The following C3orf20 variants were observed in gnomAD, a reference collection of about 807,000 sequenced individuals.
The protein encoded by C3orf20 is family with sequence similarity 149 member C, also known as uncharacterized protein C3orf20.
A neutral mutation model predicts 88.3 loss-of-function variants in C3orf20; 76 were observed. The ratio of observed to expected loss-of-function variants is 0.86; its 90% CI spans 0.72 to 1.04. The LOEUF is 1.04. Among genes scored for constraint, C3orf20 ranks in the 50% least tolerant of loss-of-function variants. C3orf20 has a pLI of 0.00. For missense variants in C3orf20, 1,056 were observed against 1,123.3 expected (o/e 0.94, Z 0.86); for synonymous variants, 436 against 437.4 (o/e 1.00, Z 0.04).
intron 13 of C3orf20, among the ~76,000 whole-genome samples, chr3:14,757,911 G>A (rs567382662): frequency 6.6e-5 from 10 of 152,252 alleles, no homozygotes; most frequent in African/African-American, 2.2e-4. Context: ...ACCACATAAG[G>A]GCCAGGCCCT....
At chr3:14,695,848 C>T (rs777807621) in intron 5 of C3orf20, among the ~76,000 whole-genome samples, 5 of 151,768 alleles carry the variant, frequency 3.3e-5, no homozygotes, top group South Asian at 2.1e-4. Context: ...ATCTTTTTTT[C>T]GTTCCTTTAT....
At chr3:14,689,290 C>G (rs2032595885) in intron 4 of C3orf20, among the ~76,000 whole-genome samples, 1 of 152,138 alleles carries the variant, frequency 6.6e-6, no homozygotes, top group South Asian at 2.1e-4. Flanking sequence ...TTTTATCATC[C>G]ATTGTGGAAT....
At chr3:14,699,186 C>G (rs1266147110) in intron 5 of C3orf20, among the ~76,000 whole-genome samples, 2 of 152,122 alleles carry the variant, frequency 1.3e-5, no homozygotes, top group East Asian at 3.9e-4. Context: ...TATAGAAATG[C>G]CATCTGAGAG....
Position 14,757,377 on chromosome 3 carries a change from G to A in C3orf20, c.1947G>A (p.Lys649=). ...ACTGTGCTCCTCCTTGCAGAGGGAA[G>A]GCCCGCGAGGGGCGCAGCCCCACCA... ...HTKAKVTSRG[K]AREGRSPTRW... The change falls in exon 13 of 17, where the codon AAG becomes AAA. Residue 649 remains lysine (K), a synonymous_variant. Transcript: ENST00000253697. The A allele has an allele frequency of 1.2e-6, 2 of 1,610,690 alleles. No individual in the cohort carries two copies. Among genetic ancestry groups the A allele is most frequent in the Non-Finnish European group, 1.7e-6 (2 of 1,179,268 alleles).
intron 15 of C3orf20, among the ~76,000 whole-genome samples, chr3:14,762,844 A>C (rs975653873): frequency 1.3e-5 from 2 of 152,194 alleles, no homozygotes; most frequent in Non-Finnish European, 2.9e-5. Context: ...CAGTAAGCTG[A>C]GTCTGGGCCT....
chr3:14,684,855 A>G (rs1332609414), intron 4 of C3orf20, among the ~76,000 whole-genome samples: 1 of 152,148 alleles, frequency 6.6e-6, no homozygotes, highest in African/African-American at 2.4e-5. Flanking sequence ...ATACAGCCCG[A>G]GGGAAGCTCA....
At chr3:14,726,191 A>G (rs941632092) in intron 10 of C3orf20, among the ~76,000 whole-genome samples, 1 of 152,258 alleles carries the variant, frequency 6.6e-6, no homozygotes, top group Non-Finnish European at 1.5e-5. Flanking sequence ...GGGAGAGGGC[A>G]GCCATGGCAG....
chr3:14,766,293 T>C (rs1394337807), intron 15 of C3orf20, among the ~76,000 whole-genome samples: 2 of 152,184 alleles, frequency 1.3e-5, no homozygotes, highest in Non-Finnish European at 2.9e-5. Context: ...TCTTCCCAAC[T>C]GGGCACCAGC....
chr3:14,755,770 C>G (rs1414942870), intron 12 of C3orf20, among the ~76,000 whole-genome samples: 1 of 152,168 alleles, frequency 6.6e-6, no homozygotes, highest in Non-Finnish European at 1.5e-5. Context: ...CGGCTCACGC[C>G]TGTAATCCCA....
intron 9 of C3orf20, among the ~76,000 whole-genome samples, chr3:14,720,943 T>C (rs1376911217): frequency 3.9e-5 from 6 of 152,184 alleles, no homozygotes; most frequent in Non-Finnish European, 7.3e-5. Flanking sequence ...GAACTGGGAC[T>C]CACCCGTAGA....
chr3:14,683,500 A>G lies in C3orf20; in HGVS notation c.484+303A>G, dbSNP rs79379884. Among the ~76,000 whole-genome samples, 1,001 of 152,250 alleles carry G rather than the reference A, an allele frequency of 6.6e-3. 4 individuals are homozygous for G. The highest frequency in any genetic ancestry group is 0.011 in the Non-Finnish European group (714 of 67,996). ...GAGACAGCACCCATGTCCGGGTGGCATATGAAGTTTTCAAACCAGCAGGGC... is the reference window on the plus strand; with the variant it reads ...GAGACAGCACCCATGTCCGGGTGGCGTATGAAGTTTTCAAACCAGCAGGGC... On this transcript the variant is annotated intron_variant, in intron 3 of 16. Transcript: ENST00000253697.
At chr3:14,762,132 C>T (rs760199676) in intron 15 of C3orf20, among the ~76,000 whole-genome samples, 3 of 152,154 alleles carry the variant, frequency 2.0e-5, no homozygotes, top group Non-Finnish European at 4.4e-5. Context: ...AGTACAGTGA[C>T]GCGATCATAG....
At position 14,704,342 on chromosome 3, in the gene C3orf20, C is replaced by T; in HGVS notation, c.884C>T (p.Ala295Val). ...KLQELCRHIE[A>V]ERATWKGRNI... is the part of the protein sequence containing the mutation. ...ATTGCTCTCCTTCTCTGCAGAGAAG[C>T]TGAAAGGGCCACATGGAAAGGGAGG... Residue 295 changes from alanine to valine, a missense_variant, in exon 7 of 17, where the codon GCT (alanine) becomes GTT (valine). Ala to Val is a moderately conservative substitution (Grantham distance 64). Transcript: ENST00000253697. 3 of 1,613,986 alleles carry T rather than the reference C, an allele frequency of 1.9e-6. No individual in the cohort carries two copies. In the South Asian group the frequency reaches 3.3e-5, roughly 18 times the overall value.
At chr3:14,746,605 C>T (rs1452832433) in intron 12 of C3orf20, among the ~76,000 whole-genome samples, 1 of 152,208 alleles carries the variant, frequency 6.6e-6, no homozygotes, top group East Asian at 1.9e-4. Context: ...AGTTGTCCCT[C>T]AGTGTCAGGA....
chr3:14,690,257 A>G, intron 5 of C3orf20, 141 bp downstream of exon 5: 1 of 1,179,512 alleles, frequency 8.5e-7, no homozygotes, highest in Non-Finnish European at 1.2e-6. Flanking sequence ...CTCTGCCTGG[A>G]GATCCAGCAG....
chr3:14,706,048 CCTTT>C (rs1305061920), intron 7 of C3orf20, among the ~76,000 whole-genome samples: 4 of 152,148 alleles, frequency 2.6e-5, no homozygotes, highest in African/African-American at 9.7e-5. Context: ...ATCCCCTGCC[CCTTT>C]CTTGGAGGAG....
intron 9 of C3orf20, among the ~76,000 whole-genome samples, chr3:14,717,057 G>A (rs567816571): frequency 2.1e-4 from 32 of 152,254 alleles, no homozygotes; most frequent in African/African-American, 6.5e-4. Flanking sequence ...GTGTCCAAGC[G>A]GAGAACTGGG....
At chr3:14,691,429 C>G (rs1400844284) in intron 5 of C3orf20, among the ~76,000 whole-genome samples, 1 of 152,158 alleles carries the variant, frequency 6.6e-6, no homozygotes, top group Non-Finnish European at 1.5e-5. Flanking sequence ...GATTTAATGA[C>G]TTTTTCTGCG....
At chr3:14,752,260 G>A (rs959980907) in intron 12 of C3orf20, among the ~76,000 whole-genome samples, 8 of 152,138 alleles carry the variant, frequency 5.3e-5, no homozygotes, top group Non-Finnish European at 7.4e-5. Context: ...AAATGGTGCT[G>A]GGAAAACTGG....
Sources: allele counts gnomAD v4.1 joint callset (sites outside exome capture counted in the v4.1 genomes callset), GRCh38; gene constraint gnomAD v4.1.1; transcripts MANE v1.5; gene names NCBI Gene and HGNC (gene_info 2026-07-23, HGNC 2026-07-21).